The following SRGAP1 variants were observed in gnomAD, a reference collection of about 807,000 sequenced individuals.
SRGAP1 encodes SLIT-ROBO Rho GTPase activating protein 1.
A neutral mutation model predicts 121.9 loss-of-function variants in SRGAP1; 43 were observed. That is an observed-to-expected ratio of 0.35 (90% CI 0.28 to 0.46). SRGAP1 has a LOEUF of 0.46. Ranked by LOEUF, SRGAP1 falls within the 20% of genes least tolerant of loss-of-function variation. SRGAP1 has a pLI of 1.00. For synonymous variants in SRGAP1, 447 were observed against 485.4 expected (o/e 0.92, Z 1.04); for missense variants, 1,102 against 1,350.9 (o/e 0.82, Z 2.89).
At chr12:64,057,808 G>A (rs78668257) in intron 6 of SRGAP1, among the ~76,000 whole-genome samples, 27 of 152,242 alleles carry the variant, frequency 1.8e-4, no homozygotes, top group Middle Eastern at 3.4e-3. Flanking sequence ...TAATTCTGCC[G>A]AAGAGAGTAA....
intron 1 of SRGAP1, among the ~76,000 whole-genome samples, chr12:63,934,781 C>T (rs1177127413): frequency 1.3e-5 from 2 of 152,150 alleles, no homozygotes; most frequent in Non-Finnish European, 2.9e-5. Flanking sequence ...CCCTGCCTGG[C>T]CCTTTCCTCT....
rs1234057082 is a variant in SRGAP1, at chr12:64,128,220, A to G, written c.2880+20A>G. ...GCTCAGGTACGATGCTTTTAATTACATATTGCATTTTAAGTACCTAAGTGT... is the reference window on the plus strand; with the variant it reads ...GCTCAGGTACGATGCTTTTAATTACGTATTGCATTTTAAGTACCTAAGTGT... On this transcript the variant is annotated intron_variant, in intron 21 of 21. Coordinates refer to ENST00000355086, the MANE Select transcript of SRGAP1 (RefSeq NM_020762.4). 6.3e-7 allele frequency: 1 copy of G among 1,583,930 alleles called. No homozygotes were observed. The highest frequency in any genetic ancestry group is 8.6e-7 in the Non-Finnish European group (1 of 1,159,060).
At chr12:63,868,087 T>TTTTTTTTTTTTTTG (rs1899721971) in intron 1 of SRGAP1, among the ~76,000 whole-genome samples, 2 of 86,514 alleles carry the variant, frequency 2.3e-5, no homozygotes, top group Non-Finnish European at 4.4e-5. Context: ...TTGTTTTTTT[T>TTTTTTTTTTTTTTG]TTTTTGTTTT....
At chr12:63,964,326 T>A (rs1002925981) in intron 1 of SRGAP1, among the ~76,000 whole-genome samples, 1 of 152,254 alleles carries the variant, frequency 6.6e-6, no homozygotes, top group Admixed American at 6.5e-5. Context: ...TATTATTAGA[T>A]ATCTTATATT....
intron 21 of SRGAP1, among the ~76,000 whole-genome samples, chr12:64,141,776 C>A (rs1190397643): frequency 6.6e-6 from 1 of 152,044 alleles, no homozygotes; most frequent in Admixed American, 6.5e-5. Context: ...ACTAGCAAGA[C>A]CCCATCTCTA....
intron 4 of SRGAP1, chr12:64,032,684 C>CA (rs1346334248): frequency 0.03 from 4,936 of 164,200 alleles, 97 homozygotes; most frequent in African/African-American, 0.088. Context: ...GCTTTCAAAG[C>CA]AAAAAAAAAA....
chr12:64,136,187 T>C (rs11837107), intron 21 of SRGAP1, among the ~76,000 whole-genome samples: 2 of 152,264 alleles, frequency 1.3e-5, no homozygotes, highest in South Asian at 4.1e-4. Flanking sequence ...CTTCGCATCC[T>C]TCAATCAAGT....
chr12:64,138,994 T>TA (rs2136651255), intron 21 of SRGAP1, among the ~76,000 whole-genome samples: 1 of 152,302 alleles, frequency 6.6e-6, no homozygotes, highest in African/African-American at 2.4e-5. Context: ...TAACACCATC[T>TA]AAAAAATATT....
intron 1 of SRGAP1, among the ~76,000 whole-genome samples, chr12:63,930,806 G>A (rs559276243): frequency 5.3e-5 from 8 of 152,252 alleles, no homozygotes; most frequent in African/African-American, 1.9e-4. Context: ...TATGGCAATA[G>A]ACTAATAGAC....
chr12:64,081,822 G>A (rs2136566604), intron 10 of SRGAP1: 1 of 151,128 alleles, frequency 6.6e-6, no homozygotes, highest in African/African-American at 2.4e-5. Flanking sequence ...CAGTCAATGT[G>A]GCAAACATTA....
chr12:63,999,521 A>C (rs1374834305), intron 3 of SRGAP1, among the ~76,000 whole-genome samples: 1 of 152,148 alleles, frequency 6.6e-6, no homozygotes, highest in Non-Finnish European at 1.5e-5. Context: ...TGTTGGAGAT[A>C]GAATATGTAG....
intron 1 of SRGAP1, among the ~76,000 whole-genome samples, chr12:63,935,054 T>G (rs900407093): frequency 6.6e-6 from 1 of 152,220 alleles, no homozygotes; most frequent in African/African-American, 2.4e-5. Context: ...GGCAGTGCCC[T>G]TGGCTCTCCA....
chr12:63,883,551 G>A (rs868145711), intron 1 of SRGAP1, among the ~76,000 whole-genome samples: 10 of 152,062 alleles, frequency 6.6e-5, no homozygotes, highest in Non-Finnish European at 1.3e-4. Context: ...AATGCCTCTG[G>A]TACCGGAATA....
At chr12:63,934,236 C>T (rs1425671617) in intron 1 of SRGAP1, among the ~76,000 whole-genome samples, 2 of 152,188 alleles carry the variant, frequency 1.3e-5, no homozygotes, top group Non-Finnish European at 2.9e-5. Flanking sequence ...CATTGTGTTG[C>T]TTCAGCTGTC....
At chr12:63,942,159 T>G (rs1364950626) in intron 1 of SRGAP1, among the ~76,000 whole-genome samples, 3 of 152,206 alleles carry the variant, frequency 2.0e-5, no homozygotes, top group Non-Finnish European at 2.9e-5. Context: ...AAGGTAGTCT[T>G]GTTGAAAAAT....
chr12:64,004,882 T>C (rs903875121), intron 3 of SRGAP1, among the ~76,000 whole-genome samples: 2 of 152,234 alleles, frequency 1.3e-5, no homozygotes, highest in Non-Finnish European at 2.9e-5. Flanking sequence ...TTGAAGACTA[T>C]GTTTCATACC....
intron 1 of SRGAP1, among the ~76,000 whole-genome samples, chr12:63,956,949 G>A (rs1206427237): frequency 6.6e-6 from 1 of 151,988 alleles, no homozygotes; most frequent in Non-Finnish European, 1.5e-5. Context: ...TTATAGATTT[G>A]CCTGTTTATG....
chr12:63,923,995 G>A (rs2031163677), intron 1 of SRGAP1, among the ~76,000 whole-genome samples: 1 of 152,096 alleles, frequency 6.6e-6, no homozygotes, highest in Admixed American at 6.5e-5. Flanking sequence ...ACAAAAACTA[G>A]CCAGGTGTGG....
At chr12:64,108,286 G>C (rs2036377988) in intron 15 of SRGAP1, among the ~76,000 whole-genome samples, 1 of 152,050 alleles carries the variant, frequency 6.6e-6, no homozygotes, top group African/African-American at 2.4e-5. Flanking sequence ...CCTGTCTTGG[G>C]GGAGCTCACC....
Sources: gnomAD v4.1 joint callset for allele counts (sites outside exome capture counted in the v4.1 genomes callset) on GRCh38, gnomAD v4.1.1 for gene constraint, MANE v1.5 for transcripts, NCBI Gene and HGNC (gene_info 2026-07-23, HGNC 2026-07-21) for gene names.